The following MYCBP2 variants were observed in gnomAD, a reference collection of about 807,000 sequenced individuals.
The protein encoded by MYCBP2 is E3 ubiquitin-protein ligase MYCBP2.
MYCBP2 carries 120 observed loss-of-function variants against 525.3 expected under a neutral mutation model. That is an observed-to-expected ratio of 0.23 (90% CI 0.20 to 0.27). The LOEUF is 0.27. Ranked by LOEUF, MYCBP2 falls within the 10% of genes least tolerant of loss-of-function variation. The pLI is 1.00. For missense variants in MYCBP2, 4,149 were observed against 5,657.1 expected, an observed-to-expected ratio of 0.73 and a Z score of 8.55; for synonymous variants, 1,894 against 1,955.8, an observed-to-expected ratio of 0.97 and a Z score of 0.83.
chr13:77,226,868 C>T (rs932596483), intron 18 of MYCBP2, among the ~76,000 whole-genome samples: 3 of 152,118 alleles, frequency 2.0e-5, no homozygotes, highest in African/African-American at 7.2e-5. Flanking sequence ...CTGGAAACGT[C>T]TTAATCATAC....
intron 26 of MYCBP2, among the ~76,000 whole-genome samples, chr13:77,198,785 T>C (rs1436788732): frequency 6.6e-6 from 1 of 152,204 alleles, no homozygotes; most frequent in African/African-American, 2.4e-5. Flanking sequence ...TGAAGATGTC[T>C]GTTTACATAC....
At chr13:77,229,161 A>AC (rs1185553642) in intron 18 of MYCBP2, among the ~76,000 whole-genome samples, 1 of 152,214 alleles carries the variant, frequency 6.6e-6, no homozygotes, top group Admixed American at 6.5e-5. Flanking sequence ...TGACAACTGG[A>AC]CACTGGACCT....
At chr13:77,263,512 T>C in intron 10 of MYCBP2, 139 bp downstream of exon 10, 1 of 603,168 alleles carries the variant, frequency 1.7e-6, no homozygotes, top group South Asian at 3.1e-5. Context: ...AATTCAAAAT[T>C]ATCCTTTATA....
chr13:77,097,957 G>T lies in MYCBP2; in HGVS notation c.9197C>A (p.Ala3066Asp). 6.2e-7 allele frequency: 1 copy of T among 1,613,512 alleles called. No homozygotes were observed. Reference protein sequence around the residue: ...KFHPELSKEHAPIRSSLNSQQ... With the variant: ...KFHPELSKEHDPIRSSLNSQQ... ...GCTATTTAAACTACTCCTTATAGGA[G>T]CATGTTCTTTGGAAAGTTCAGGATG... The change falls in exon 56 of 83, where the codon GCT becomes GAT. Residue 3066 changes from alanine (A) to aspartate (D), a missense_variant. Around this residue, in one of 21 missense-constraint regions of MYCBP2, gnomAD observed 653 missense variants for 744.7 expected, o/e 0.88. Transcript: ENST00000544440.
intron 5 of MYCBP2, among the ~76,000 whole-genome samples, chr13:77,270,884 A>G (rs1043809331): frequency 2.6e-5 from 4 of 151,950 alleles, no homozygotes; most frequent in Non-Finnish European, 2.9e-5. Context: ...TTTATCTTCC[A>G]TATTTCTCTC....
intron 21 of MYCBP2, among the ~76,000 whole-genome samples, chr13:77,214,496 T>C (rs558845205): frequency 6.6e-6 from 1 of 152,112 alleles, no homozygotes; most frequent in East Asian, 1.9e-4. Context: ...GAGTGATTTC[T>C]AGGAGAGATG....
intron 18 of MYCBP2, among the ~76,000 whole-genome samples, chr13:77,228,691 TTGTGTGTGTGTGTGTGTG>T (rs34441629): frequency 1.4e-5 from 2 of 147,186 alleles, no homozygotes; most frequent in Non-Finnish European, 3.0e-5. Context: ...GATGAATATG[TTGTGTGTGTGTGTGTGTG>T]TGTGTGTGTG....
intron 5 of MYCBP2, among the ~76,000 whole-genome samples, chr13:77,271,516 C>T (rs1442292732): frequency 1.3e-5 from 2 of 152,182 alleles, no homozygotes; most frequent in Admixed American, 6.5e-5. Context: ...CCACTCAAAT[C>T]TCATCTTGAA....
chr13:77,062,664 C>G lies in MYCBP2; in HGVS notation c.12706G>C (p.Asp4236His), dbSNP rs1257434861. ...GAGAGACGATCTACGTGGTCCTGATCAAGAACACATAGGGATGCGAGAGCA... is the reference window on the plus strand; with the variant it reads ...GAGAGACGATCTACGTGGTCCTGATGAAGAACACATAGGGATGCGAGAGCA... The part of the protein sequence containing the change: ...WLALASLCVL[D>H]QDHVDRLSSG... The change falls in exon 74 of 83, where the codon GAT becomes CAT. Residue 4236 changes from aspartate (D) to histidine (H), a missense_variant. Coordinates refer to ENST00000544440, the MANE Select transcript of MYCBP2 (RefSeq NM_015057.5). 1.9e-6 allele frequency: 3 copies of G among 1,614,038 alleles called. No homozygotes were observed. The highest frequency in any genetic ancestry group is 2.5e-6 in the Non-Finnish European group (3 of 1,180,034).
chr13:77,324,722 T>A (rs1360537948), intron 1 of MYCBP2, among the ~76,000 whole-genome samples: 4 of 152,204 alleles, frequency 2.6e-5, no homozygotes, highest in Non-Finnish European at 5.9e-5. Context: ...GATTAATCTA[T>A]GTTAATTTTG....
At chr13:77,101,008 A>G (rs2046984733) in intron 55 of MYCBP2, among the ~76,000 whole-genome samples, 2 of 152,124 alleles carry the variant, frequency 1.3e-5, no homozygotes, top group Admixed American at 1.3e-4. Context: ...CAAATTTGGT[A>G]AACAAATTAT....
rs2038625650 is a variant in MYCBP2 at position 77,058,555 on chromosome 13, C to T, written c.13141-149G>A. The T allele has an allele frequency of 1.2e-5, 7 of 607,610 alleles. No homozygotes were observed. The highest frequency in any genetic ancestry group is 1.8e-5 in the Non-Finnish European group (7 of 397,162). 37.6% of individuals were successfully genotyped at this position (607,610 alleles called of 1,614,324 possible). On this transcript the variant is annotated intron_variant, in intron 77 of 82. Coordinates refer to ENST00000544440, the MANE Select transcript of MYCBP2 (RefSeq NM_015057.5). The surrounding 1 kb of genome is among the most constrained non-coding windows in gnomAD (Gnocchi z 4.1). ...ACAACAAAGTAAAGTTATTTCTAAT[C>T]TTTGTTTGAATATAAATTAGGCTTC... is the stretch of plus-strand genomic sequence containing the variant.
At position 77,190,256 on chromosome 13, in the gene MYCBP2, A is replaced by G; in HGVS notation, c.4150T>C (p.Tyr1384His). 2 of 1,589,312 alleles carry G rather than the reference A, an allele frequency of 1.3e-6. No homozygotes were observed. Among genetic ancestry groups the G allele is most frequent in the Non-Finnish European group, 1.7e-6 (2 of 1,159,326 alleles). ...VNAGQIPQLL[Y>H]RLPTSDGSAS... Reference sequence around the variant, plus strand: ...CAGTATAAATATGCTAAATACCTGTATAATAACTGAGGTATCTGACCCGCA... The same window carrying G: ...CAGTATAAATATGCTAAATACCTGTGTAATAACTGAGGTATCTGACCCGCA... Residue 1384 changes from tyrosine (Y) to histidine (H), a missense_variant, in exon 29 of 83, where the codon TAC becomes CAC. Around this residue, in one of 21 missense-constraint regions of MYCBP2, gnomAD observed 292 missense variants for 330.5 expected, o/e 0.88. Transcript: ENST00000544440.
chr13:77,083,743 A>G (rs1469000028), intron 62 of MYCBP2, among the ~76,000 whole-genome samples: 1 of 152,102 alleles, frequency 6.6e-6, no homozygotes, highest in Non-Finnish European at 1.5e-5. Flanking sequence ...TAATAATATT[A>G]ACTATGGAAT....
intron 46 of MYCBP2, among the ~76,000 whole-genome samples, chr13:77,152,936 G>A (rs1468467841): frequency 6.6e-6 from 1 of 151,926 alleles, no homozygotes; most frequent in African/African-American, 2.4e-5. Context: ...GTGGTGGCGG[G>A]TGCCTGTAGT....
chr13:77,164,402 A>G lies in MYCBP2; in HGVS notation c.6547+52T>C, dbSNP rs371422206. The G allele has an allele frequency of 4.0e-5, 50 of 1,250,632 alleles. No individual in the cohort carries two copies. The African/African-American group carries it at 6.0e-4, about 15-fold the overall frequency. The allele number at this position is 1,250,632 out of a possible 1,614,324, so 77.5% of individuals were successfully genotyped here. On this transcript the variant is annotated intron_variant, in intron 43 of 82. Coordinates refer to ENST00000544440, the MANE Select transcript of MYCBP2 (RefSeq NM_015057.5). ...TATTTTTGGCCCTTTTATAATACAT[A>G]CAAAACAAAACAAAACCCTATCAAA...
At position 77,165,238 on chromosome 13, in the gene MYCBP2, T is replaced by G. The variant is rs767293976; in HGVS notation, c.6459+35A>C. ...CTCACTAGCCCTTAGAAACACAATCTTCCTTAAAAGAATGAAAAGATAATT... is the reference window on the plus strand; with the variant it reads ...CTCACTAGCCCTTAGAAACACAATCGTCCTTAAAAGAATGAAAAGATAATT... On this transcript the variant is annotated intron_variant, in intron 42 of 82. Transcript: ENST00000544440. 9.9e-6 allele frequency: 15 copies of G among 1,516,510 alleles called. No homozygotes were observed. In the South Asian group the frequency reaches 1.7e-4, roughly 17 times the overall value. 93.9% of individuals were successfully genotyped at this position (1,516,510 alleles called of 1,614,324 possible). A position where few individuals can be genotyped will look rare whatever the true frequency, so the allele number is the denominator to read the frequency against.
chr13:77,092,092 A>AC (rs1050991123), intron 59 of MYCBP2, among the ~76,000 whole-genome samples: 7 of 151,536 alleles, frequency 4.6e-5, no homozygotes, highest in African/African-American at 7.3e-5. Flanking sequence ...AAAAAAAAAA[A>AC]AAACCTCATT....
chr13:77,270,229 C>T, intron 6 of MYCBP2, 67 bp downstream of exon 6: 1 of 1,515,528 alleles, frequency 6.6e-7, no homozygotes, highest in African/African-American at 1.4e-5. Context: ...AAACTAGAAA[C>T]ACACAGAACA....
Sources: allele counts gnomAD v4.1 joint callset (sites outside exome capture counted in the v4.1 genomes callset), GRCh38; gene constraint gnomAD v4.1.1; regional missense constraint gnomAD v4.1.1; non-coding constraint Gnocchi (gnomAD v3.1); transcripts MANE v1.5; gene names NCBI Gene and HGNC (gene_info 2026-07-23, HGNC 2026-07-21).